Variants in ABCC4 observed in about 807,000 individuals in gnomAD.
ABCC4 encodes ATP-binding cassette sub-family C member 4.
In ABCC4, 102 loss-of-function variants were observed where a neutral mutation model predicts 168.5. That is an observed-to-expected ratio of 0.61 (90% confidence interval 0.52 to 0.71). The LOEUF (loss-of-function observed/expected upper bound fraction) is 0.71. ABCC4 is among the 30% of genes least tolerant of loss of function. The pLI, the probability that ABCC4 is intolerant of heterozygous loss-of-function variation, is 0.00. For missense variants in ABCC4, 1,402 were observed against 1,605.8 expected, an observed-to-expected ratio of 0.87 and a Z score of 2.17; for synonymous variants, 617 against 590.7, an observed-to-expected ratio of 1.04 and a Z score of -0.65.
intron 11 of ABCC4, among the ~76,000 whole-genome samples, chr13:95,183,447 G>A (rs1238514341): frequency 2.6e-5 from 4 of 152,128 alleles, no homozygotes; most frequent in African/African-American, 9.7e-5. Flanking sequence ...GTCGGCAAAT[G>A]ATCTCATAAC....
intron 13 of ABCC4, among the ~76,000 whole-genome samples, chr13:95,175,292 G>T (rs1161888780): frequency 6.6e-6 from 1 of 151,950 alleles, no homozygotes; most frequent in South Asian, 2.1e-4. Flanking sequence ...ATTGAACAGA[G>T]AACCTTTTTT....
At chr13:95,238,555 G>C (rs9524857) in intron 3 of ABCC4, among the ~76,000 whole-genome samples, 118 of 152,062 alleles carry the variant, frequency 7.8e-4, no homozygotes, top group African/African-American at 2.6e-3. Flanking sequence ...CTGGAGACCC[G>C]CTGTGAAGAG....
intron 1 of ABCC4, among the ~76,000 whole-genome samples, chr13:95,267,275 C>T (rs2040709998): frequency 1.3e-5 from 2 of 152,092 alleles, no homozygotes; most frequent in Admixed American, 1.3e-4. Context: ...GCAGTTCTTT[C>T]CCATGCTATT....
intron 1 of ABCC4, among the ~76,000 whole-genome samples, chr13:95,263,120 A>G (rs2138856967): frequency 6.6e-6 from 1 of 152,288 alleles, no homozygotes; most frequent in Middle Eastern, 3.4e-3. Context: ...AATGTGCCCT[A>G]CAGAAAAAAA....
chr13:95,071,177 T>C (rs1440539517), intron 25 of ABCC4, among the ~76,000 whole-genome samples: 2 of 152,164 alleles, frequency 1.3e-5, no homozygotes, highest in South Asian at 4.1e-4. Context: ...GAACTTTAAG[T>C]CCATTAAACC....
chr13:95,287,671 A>G (rs2041294060), intron 1 of ABCC4, among the ~76,000 whole-genome samples: 1 of 151,994 alleles, frequency 6.6e-6, no homozygotes, highest in Non-Finnish European at 1.5e-5. Flanking sequence ...GGACCTCTTG[A>G]GGCCATAAAT....
rs1357958187 is a variant in ABCC4 at position 95,247,136 on chromosome 13, G to A, written c.186-41C>T. On this transcript the variant is annotated intron_variant, in intron 2 of 30. Coordinates refer to ENST00000645237, the MANE Select transcript of ABCC4 (RefSeq NM_005845.5). The stretch of plus-strand genomic sequence containing the variant: ...AGCTTCGTAAATAAGAGTGAACCCT[G>A]CCACAATATAAAACAGGGGAGATGG... 2.5e-6 allele frequency: 4 copies of A among 1,594,292 alleles called. No individual in the cohort carries two copies. The Admixed American group carries it at 7.2e-5, about 29-fold the overall frequency.
chr13:95,271,648 G>A lies in ABCC4; in HGVS notation c.75-23895C>T, dbSNP rs919443374. Among the ~76,000 whole-genome samples, 6 of 152,152 alleles carry A rather than the reference G, an allele frequency of 3.9e-5. No homozygotes were observed. In the East Asian group the frequency reaches 1.2e-3, roughly 29 times the overall value. Reference sequence around the variant, plus strand: ...CGGAGAACTTGTACCAAACCTCAAGGATACGTTGAGACACTGATCTGTAAT... The same window carrying A: ...CGGAGAACTTGTACCAAACCTCAAGAATACGTTGAGACACTGATCTGTAAT... On this transcript the variant is annotated intron_variant, in intron 1 of 30. Coordinates refer to ENST00000645237, the MANE Select transcript of ABCC4 (RefSeq NM_005845.5).
intron 19 of ABCC4, among the ~76,000 whole-genome samples, chr13:95,121,428 TTTG>T (rs1305495987): frequency 1.4e-5 from 2 of 140,814 alleles, no homozygotes; most frequent in African/African-American, 5.4e-5. Context: ...GGGGTTTTTT[TTTG>T]TTTTTTTTTT....
chr13:95,095,286 TTATCTATCTATC>T lies in ABCC4; in HGVS notation c.2536-12008_2536-11997del, dbSNP rs55957658. Among the ~76,000 whole-genome samples, 892 of 146,416 alleles carry T rather than the reference TTATCTATCTATC, an allele frequency of 6.1e-3. 1 individual carries two copies. Among genetic ancestry groups the T allele is most frequent in the East Asian group, 0.015 (75 of 4,888 alleles). On this transcript the variant is annotated intron_variant, in intron 20 of 30. Coordinates refer to ENST00000645237, the MANE Select transcript of ABCC4 (RefSeq NM_005845.5). ...ATGAGTGGATAAAGAAACTGTGAGA[TTATCTATCTATC>T]TATCTATCTATCTATCTATCTATCT...
intron 1 of ABCC4, among the ~76,000 whole-genome samples, chr13:95,293,389 C>T (rs550927670): frequency 6.6e-6 from 1 of 151,988 alleles, no homozygotes; most frequent in African/African-American, 2.4e-5. Flanking sequence ...CCCACCCTCA[C>T]ACAGCTTTTC....
At chr13:95,133,159 G>A (rs1594154636) in intron 19 of ABCC4, among the ~76,000 whole-genome samples, 1 of 134,886 alleles carries the variant, frequency 7.4e-6, no homozygotes, top group East Asian at 2.0e-4. Context: ...TGTCACCCAG[G>A]CTGGAGTGCA....
At chr13:95,024,883 G>GA in intron 30 of ABCC4, among the ~76,000 whole-genome samples, 1 of 152,116 alleles carries the variant, frequency 6.6e-6, no homozygotes, top group South Asian at 2.1e-4. Flanking sequence ...GTGAAATCAG[G>GA]AGAGCCTGAA....
intron 3 of ABCC4, among the ~76,000 whole-genome samples, chr13:95,236,374 CAA>C (rs2039770606): frequency 6.6e-6 from 1 of 152,034 alleles, no homozygotes; most frequent in African/African-American, 2.4e-5. Flanking sequence ...TCCTTCTTAA[CAA>C]AGACATAATA....
At chr13:95,299,310 G>A (rs1318196316) in intron 1 of ABCC4, among the ~76,000 whole-genome samples, 2 of 140,932 alleles carry the variant, frequency 1.4e-5, no homozygotes, top group East Asian at 1.9e-4. Context: ...TGAAGTTGAG[G>A]AGACCATTTG....
chr13:95,150,497 C>T (rs1217335431), intron 19 of ABCC4, among the ~76,000 whole-genome samples: 1 of 152,116 alleles, frequency 6.6e-6, no homozygotes, highest in Non-Finnish European at 1.5e-5. Context: ...CCTCCCTCCC[C>T]CTTCCCCACT....
chr13:95,029,983 C>CCA (rs2031788881), intron 30 of ABCC4, among the ~76,000 whole-genome samples: 6 of 113,348 alleles, frequency 5.3e-5, no homozygotes, highest in Middle Eastern at 9.3e-3. Context: ...GACTTCTTGT[C>CCA]TATCTATCCA....
intron 13 of ABCC4, among the ~76,000 whole-genome samples, chr13:95,171,452 G>T (rs2037472595): frequency 6.6e-6 from 1 of 151,804 alleles, no homozygotes; most frequent in East Asian, 1.9e-4. Context: ...AGCTAGAAGG[G>T]AGGCTAAGGT....
chr13:95,123,867 G>A (rs3782956), intron 19 of ABCC4, among the ~76,000 whole-genome samples: 74,652 of 152,060 alleles, frequency 0.49, 19,001 homozygotes, highest in South Asian at 0.69. Context: ...AGGGTGAGGC[G>A]GGGTCAGCCC....
Sources: allele counts gnomAD v4.1 joint callset (sites outside exome capture counted in the v4.1 genomes callset), GRCh38; gene constraint gnomAD v4.1.1; transcripts MANE v1.5; gene names NCBI Gene and HGNC (gene_info 2026-07-23, HGNC 2026-07-21).